The following KAT2B variants were observed in gnomAD, a reference collection of about 807,000 sequenced individuals.
KAT2B encodes the protein histone acetyltransferase KAT2B.
In KAT2B, 36 loss-of-function variants were observed where a neutral mutation model predicts 105.9. The observed-to-expected ratio is 0.34, with a 90% CI of 0.26 to 0.45. The LOEUF is 0.45. Ranked by LOEUF, KAT2B falls within the 20% of genes least tolerant of loss-of-function variation. KAT2B has a pLI of 1.00. For missense variants in KAT2B, 820 were observed against 1,021.6 expected, an observed-to-expected ratio of 0.80 and a Z score of 2.69; for synonymous variants, 397 against 377.9, an observed-to-expected ratio of 1.05 and a Z score of -0.59.
chr3:20,113,821 A>G (rs1290669196), intron 6 of KAT2B, among the ~76,000 whole-genome samples: 7 of 151,754 alleles, frequency 4.6e-5, no homozygotes, highest in Non-Finnish European at 8.8e-5. Context: ...CTTTTTTTCC[A>G]CTTGGCTTTA....
intron 3 of KAT2B, among the ~76,000 whole-genome samples, chr3:20,096,910 T>C (rs998298507): frequency 1.3e-5 from 2 of 151,222 alleles, no homozygotes; most frequent in Admixed American, 6.6e-5. Context: ...TTGGTAGATA[T>C]TAAATTTGGG....
chr3:20,154,258 TTTC>T lies in KAT2B; in HGVS notation c.*1736_*1738del, dbSNP rs1436937226. ...TGTTTTCTAATTTAAAAATTAATAT[TTTC>T]TTATAGATATTGTGCAATAAAGCTG... On this transcript the variant is annotated 3_prime_UTR_variant, in exon 18 of 18. Coordinates refer to ENST00000263754, the MANE Select transcript of KAT2B (RefSeq NM_003884.5). The T allele has an allele frequency of 6.6e-6, 1 of 152,632 alleles. No individual in the cohort carries two copies. Among genetic ancestry groups the T allele is most frequent in the Non-Finnish European group, 1.5e-5 (1 of 68,028 alleles). 9.5% of individuals were successfully genotyped at this position (152,632 alleles called of 1,614,324 possible). A position where few individuals can be genotyped will look rare whatever the true frequency, so the allele number is the denominator to read the frequency against.
At chr3:20,111,458 G>A in intron 5 of KAT2B, 138 bp from the exon 6 acceptor site, 1 of 622,968 alleles carries the variant, frequency 1.6e-6, no homozygotes. Flanking sequence ...TCACTAGCTG[G>A]CAGGGATATT....
intron 2 of KAT2B, among the ~76,000 whole-genome samples, chr3:20,078,137 C>T (rs976849851): frequency 6.6e-6 from 1 of 152,044 alleles, no homozygotes; most frequent in African/African-American, 2.4e-5. Context: ...CGAGATCGCA[C>T]CACTTGCACT....
chr3:20,069,179 C>G (rs562331744), intron 1 of KAT2B, among the ~76,000 whole-genome samples: 2 of 152,268 alleles, frequency 1.3e-5, no homozygotes, highest in East Asian at 3.9e-4. Flanking sequence ...AAGAGTAACT[C>G]AAGGAGGTAG....
intron 11 of KAT2B, among the ~76,000 whole-genome samples, chr3:20,135,653 CA>C (rs10706710): frequency 0.72 from 105,214 of 146,300 alleles, 37,797 homozygotes; most frequent in African/African-American, 0.78. Context: ...GACTCCATCT[CA>C]AAAAAAAAAA....
intron 13 of KAT2B, among the ~76,000 whole-genome samples, chr3:20,143,270 A>T (rs1699725064): frequency 6.6e-6 from 1 of 152,216 alleles, no homozygotes; most frequent in Non-Finnish European, 1.5e-5. Context: ...AGGTGAAGTT[A>T]ATACACTAGA....
intron 3 of KAT2B, among the ~76,000 whole-genome samples, chr3:20,097,821 C>T (rs1698837881): frequency 6.6e-6 from 1 of 151,854 alleles, no homozygotes; most frequent in South Asian, 2.1e-4. Flanking sequence ...CAGGCATGAG[C>T]CACTGCATCT....
Position 20,148,148 on chromosome 3 carries a change from A to G in KAT2B, c.2157-95A>G, listed in dbSNP as rs146313402. The G allele has an allele frequency of 4.4e-6, 6 of 1,377,106 alleles. No individual in the cohort carries two copies. The East Asian group carries it at 6.9e-5, about 16-fold the overall frequency. The allele number at this position is 1,377,106 out of a possible 1,614,324, so 85.3% of individuals were successfully genotyped here. A position where few individuals can be genotyped will look rare whatever the true frequency, so the allele number is the denominator to read the frequency against. On this transcript the variant is annotated intron_variant, in intron 15 of 17. Transcript: ENST00000263754. ...CCTAAAACATTCTGGAATGGTTCCA[A>G]TTTCAGGTTTTTGTAAGAATGAGCT...
chr3:20,114,095 T>C (rs1020774057), intron 6 of KAT2B, among the ~76,000 whole-genome samples: 7 of 152,260 alleles, frequency 4.6e-5, no homozygotes, highest in Admixed American at 3.9e-4. Context: ...TCTCTTTTAA[T>C]TTTTTATTCT....
chr3:20,042,635 G>T (rs1697739972), intron 1 of KAT2B, among the ~76,000 whole-genome samples: 1 of 152,162 alleles, frequency 6.6e-6, no homozygotes, highest in South Asian at 2.1e-4. Context: ...CAGTGTTTCT[G>T]TTCTGGCTTT....
rs68050031 is a variant in KAT2B at position 20,153,903 on chromosome 3, C to T, written c.*1378C>T. 0.16 allele frequency: 24,825 copies of T among 152,284 alleles called. 2,523 individuals carry two copies. Among genetic ancestry groups the T allele is most frequent in the African/African-American group, 0.29 (11,874 of 41,490 alleles). 9.4% of individuals were successfully genotyped at this position (152,284 alleles called of 1,614,324 possible). A position where few individuals can be genotyped will look rare whatever the true frequency, so the allele number is the denominator to read the frequency against. ...AAAAACAGTTGCCAGTGATAATCTG[C>T]ATGAAGGAAAAAGAACCCTGCAAAT... On this transcript the variant is annotated 3_prime_UTR_variant, in exon 18 of 18. Coordinates refer to ENST00000263754, the MANE Select transcript of KAT2B (RefSeq NM_003884.5).
chr3:20,088,728 A>G (rs1698663672), intron 2 of KAT2B, among the ~76,000 whole-genome samples: 1 of 152,090 alleles, frequency 6.6e-6, no homozygotes, highest in Non-Finnish European at 1.5e-5. Context: ...CTTTTCCTAT[A>G]TAGAAGCTTT....
intron 1 of KAT2B, among the ~76,000 whole-genome samples, chr3:20,055,236 C>T (rs993153823): frequency 1.3e-5 from 2 of 152,142 alleles, no homozygotes; most frequent in African/African-American, 2.4e-5. Flanking sequence ...GATTTCGCAG[C>T]TGTAATGTGG....
intron 1 of KAT2B, among the ~76,000 whole-genome samples, chr3:20,051,151 G>T (rs1697908792): frequency 7.0e-6 from 1 of 142,276 alleles, no homozygotes; most frequent in Non-Finnish European, 1.5e-5. Flanking sequence ...AGTGAGCCAA[G>T]ATCACACCAC....
At chr3:20,062,508 C>T (rs974391859) in intron 1 of KAT2B, among the ~76,000 whole-genome samples, 16 of 145,200 alleles carry the variant, frequency 1.1e-4, no homozygotes, top group African/African-American at 3.6e-4. Context: ...GTCACCCAGG[C>T]TGGAGTGCAG....
intron 2 of KAT2B, among the ~76,000 whole-genome samples, chr3:20,086,792 A>G (rs1698624246): frequency 1.3e-5 from 2 of 149,162 alleles, no homozygotes; most frequent in Admixed American, 6.6e-5. Context: ...AAAAACAAAT[A>G]GATTTTTTTT....
At chr3:20,119,845 T>A in intron 8 of KAT2B, 122 bp downstream of exon 8, 1 of 1,026,108 alleles carries the variant, frequency 9.7e-7, no homozygotes, top group Non-Finnish European at 1.4e-6. Flanking sequence ...TTTTAACAGC[T>A]AGAAATAACT....
At chr3:20,146,708 A>C in intron 14 of KAT2B, 1 of 218,324 alleles carries the variant, frequency 4.6e-6, no homozygotes, top group South Asian at 1.1e-4. Flanking sequence ...GAATTATTAC[A>C]CATATGCAAC....
Sources: gnomAD v4.1 joint callset for allele counts (sites outside exome capture counted in the v4.1 genomes callset) on GRCh38, gnomAD v4.1.1 for gene constraint, MANE v1.5 for transcripts, NCBI Gene and HGNC (gene_info 2026-07-23, HGNC 2026-07-21) for gene names.